The following HECW1 variants were observed in gnomAD, a reference collection of about 807,000 sequenced individuals.
HECW1 encodes HECT, C2 and WW domain containing E3 ubiquitin protein ligase 1, also known as E3 ubiquitin-protein ligase HECW1.
A neutral mutation model predicts 182.3 loss-of-function variants in HECW1; 61 were observed. The ratio of observed to expected loss-of-function variants is 0.33; its 90% CI spans 0.27 to 0.41. The LOEUF (loss-of-function observed/expected upper bound fraction) is 0.41, where lower values mean the gene tolerates loss of function less well. Ranked by LOEUF, HECW1 falls within the 10% of genes least tolerant of loss-of-function variation. The pLI is 1.00. For missense variants in HECW1, 1,739 were observed against 2,108.9 expected (o/e 0.82, Z 3.44); for synonymous variants, 859 against 832.6 (o/e 1.03, Z -0.55).
At chr7:43,412,714 A>T (rs1457757549) in intron 8 of HECW1, among the ~76,000 whole-genome samples, 10 of 148,924 alleles carry the variant, frequency 6.7e-5, no homozygotes, top group East Asian at 2.1e-4. Context: ...TTTGGTTTTT[A>T]GTTCTTGCGA....
chr7:43,394,922 G>C (rs942983426), intron 6 of HECW1, among the ~76,000 whole-genome samples: 1 of 152,160 alleles, frequency 6.6e-6, no homozygotes, highest in Admixed American at 6.5e-5. Flanking sequence ...TGGGTTGGAG[G>C]GGGTGGAAGC....
chr7:43,123,945 T>C (rs73690256), intron 2 of HECW1, among the ~76,000 whole-genome samples: 1 of 152,294 alleles, frequency 6.6e-6, no homozygotes, highest in African/African-American at 2.4e-5. Flanking sequence ...CCATTTAAGC[T>C]ATATAGAGAA....
At chr7:43,489,135 C>A (rs1411543831) in intron 17 of HECW1, among the ~76,000 whole-genome samples, 2 of 152,170 alleles carry the variant, frequency 1.3e-5, no homozygotes, top group Admixed American at 6.5e-5. Context: ...ACAAATGTTT[C>A]CTGAGTCCAG....
chr7:43,556,697 T>TACA (rs1563125385), intron 29 of HECW1, among the ~76,000 whole-genome samples: 1 of 144,012 alleles, frequency 6.9e-6, no homozygotes, highest in Non-Finnish European at 1.5e-5. Flanking sequence ...CAAATTAAAT[T>TACA]AAAAAAAAAA....
At chr7:43,522,874 G>A (rs1198978566) in intron 24 of HECW1, among the ~76,000 whole-genome samples, 1 of 152,206 alleles carries the variant, frequency 6.6e-6, no homozygotes, top group Non-Finnish European at 1.5e-5. Context: ...ACAGGGAGCT[G>A]CAGAGAATCA....
chr7:43,235,763 G>T (rs1798274950), intron 2 of HECW1, among the ~76,000 whole-genome samples: 1 of 152,088 alleles, frequency 6.6e-6, no homozygotes, highest in Non-Finnish European at 1.5e-5. Flanking sequence ...TTGGTGGGGA[G>T]TCCTGAGTGT....
intron 2 of HECW1, among the ~76,000 whole-genome samples, 169 bp downstream of exon 2, chr7:43,114,560 T>C (rs1784893865): frequency 6.6e-6 from 1 of 152,250 alleles, no homozygotes; most frequent in Non-Finnish European, 1.5e-5. Flanking sequence ...TTCCCTCCGC[T>C]TGCTGCTTCC....
At chr7:43,549,005 C>A (rs1252530412) in intron 26 of HECW1, among the ~76,000 whole-genome samples, 5 of 152,204 alleles carry the variant, frequency 3.3e-5, no homozygotes, top group Non-Finnish European at 7.3e-5. Flanking sequence ...CCTTCCAGGT[C>A]TCCCCACTGC....
intron 3 of HECW1, among the ~76,000 whole-genome samples, chr7:43,305,105 G>A (rs780795713): frequency 6.6e-6 from 1 of 152,130 alleles, no homozygotes; most frequent in East Asian, 1.9e-4. Flanking sequence ...GAATGTGGTC[G>A]GAAGGCAACA....
intron 24 of HECW1, among the ~76,000 whole-genome samples, chr7:43,520,768 G>A (rs2080432751): frequency 6.6e-6 from 1 of 152,078 alleles, no homozygotes; most frequent in African/African-American, 2.4e-5. Context: ...CTGGTTCACT[G>A]AGCCCCTCAG....
At chr7:43,515,662 C>T (rs1563078905) in intron 24 of HECW1, among the ~76,000 whole-genome samples, 1 of 152,172 alleles carries the variant, frequency 6.6e-6, no homozygotes, top group Non-Finnish European at 1.5e-5. Context: ...ACCATTCCTT[C>T]TTTATGTAGT....
chr7:43,548,673 G>GGTCCACGCCTA (rs1268347020), intron 26 of HECW1, among the ~76,000 whole-genome samples: 2 of 152,126 alleles, frequency 1.3e-5, no homozygotes, highest in Non-Finnish European at 2.9e-5. Context: ...TGAGTGTGGT[G>GGTCCACGCCTA]GTCCACGCCT....
intron 2 of HECW1, among the ~76,000 whole-genome samples, chr7:43,125,553 G>A (rs925386726): frequency 1.3e-5 from 2 of 151,768 alleles, no homozygotes; most frequent in South Asian, 2.1e-4. Context: ...TCAGGAGTTC[G>A]AGACCAGCCT....
At chr7:43,334,039 T>C (rs80087535) in intron 5 of HECW1, among the ~76,000 whole-genome samples, 36,223 of 152,028 alleles carry the variant, frequency 0.24, 4,918 homozygotes, top group African/African-American at 0.39. Flanking sequence ...ACTTTATTCC[T>C]ACGTTATACC....
intron 24 of HECW1, among the ~76,000 whole-genome samples, chr7:43,515,587 T>C (rs2080107891): frequency 6.6e-6 from 1 of 152,232 alleles, no homozygotes; most frequent in South Asian, 2.1e-4. Flanking sequence ...GAAATGACAC[T>C]GGTGAGCACC....
intron 6 of HECW1, among the ~76,000 whole-genome samples, chr7:43,386,747 G>A (rs947021236): frequency 2.6e-5 from 4 of 152,138 alleles, no homozygotes; most frequent in African/African-American, 9.7e-5. Context: ...AATCAGCTCA[G>A]ATGAGGGAGG....
intron 2 of HECW1, among the ~76,000 whole-genome samples, chr7:43,173,425 T>G (rs574423909): frequency 6.6e-6 from 1 of 152,298 alleles, no homozygotes; most frequent in East Asian, 1.9e-4. Context: ...GAAAGCCATC[T>G]GATTAAATAA....
chr7:43,452,373 A>G (rs1418136288), intron 12 of HECW1, among the ~76,000 whole-genome samples: 1 of 152,244 alleles, frequency 6.6e-6, no homozygotes, highest in East Asian at 1.9e-4. Flanking sequence ...AATCCGTTGT[A>G]AAATAATTGC....
intron 2 of HECW1, among the ~76,000 whole-genome samples, chr7:43,122,465 C>T (rs1785729858): frequency 1.3e-5 from 2 of 152,056 alleles, no homozygotes; most frequent in African/African-American, 2.4e-5. Context: ...ACTCAGAGAC[C>T]CAGAAAGGGG....
Sources: gnomAD v4.1 joint callset for allele counts (sites outside exome capture counted in the v4.1 genomes callset) on GRCh38, gnomAD v4.1.1 for gene constraint, MANE v1.5 for transcripts, NCBI Gene and HGNC (gene_info 2026-07-23, HGNC 2026-07-21) for gene names.